P2RY8: variants seen among roughly 807,000 people sequenced by gnomAD.
P2RY8 encodes P2Y receptor family member 8.
P2RY8 carries 6 observed loss-of-function variants against 10.0 expected under a neutral mutation model. That is an observed-to-expected ratio of 0.60 (90% CI 0.33 to 1.19). The LOEUF (loss-of-function observed/expected upper bound fraction) is 1.19. Among genes scored for constraint, P2RY8 ranks in the 50% most tolerant of loss-of-function variants. P2RY8 has a pLI of 0.04. For synonymous variants in P2RY8, 276 were observed against 252.5 expected, an observed-to-expected ratio of 1.09 and a Z score of -0.88; for missense variants, 456 against 542.0, an observed-to-expected ratio of 0.84 and a Z score of 1.58.
intron 1 of P2RY8, among the ~76,000 whole-genome samples, chrX:1,498,145 G>C (rs113540793): frequency 0.15 from 22,866 of 151,826 alleles, 2,004 homozygotes; most frequent in South Asian, 0.34. Context: ...GGTGGCTCAC[G>C]CCTGTCATCC....
intron 1 of P2RY8, among the ~76,000 whole-genome samples, chrX:1,497,817 G>A (rs1212424505): frequency 6.6e-6 from 1 of 152,056 alleles, no homozygotes; most frequent in Non-Finnish European, 1.5e-5. Context: ...GGGCGGCGAG[G>A]GGCTTGTTGG....
chrX:1,493,425 G>GGAGGA (rs1161678509), intron 1 of P2RY8, among the ~76,000 whole-genome samples: 20,991 of 55,654 alleles, frequency 0.38, 3,665 homozygotes, highest in Non-Finnish European at 0.51. Flanking sequence ...AAGGAGGAAG[G>GGAGGA]AGGAGGGAGG....
At chrX:1,488,170 C>T (rs1350922755) in intron 1 of P2RY8, among the ~76,000 whole-genome samples, 3 of 151,944 alleles carry the variant, frequency 2.0e-5, no homozygotes, top group Non-Finnish European at 4.4e-5. Flanking sequence ...GTATCACTAA[C>T]AGCTGAGCCC....
At chrX:1,526,829 C>T (rs1233985391) in intron 1 of P2RY8, among the ~76,000 whole-genome samples, 1 of 152,074 alleles carries the variant, frequency 6.6e-6, no homozygotes, top group Non-Finnish European at 1.5e-5. Context: ...ATTCATTTAC[C>T]CACGCATTCA....
At chrX:1,514,546 CCTTCT>C (rs1398508620) in intron 1 of P2RY8, among the ~76,000 whole-genome samples, 283 of 1,800 alleles carry the variant, frequency 0.16, 32 homozygotes, top group Middle Eastern at 0.5. Context: ...CCTTCCTTTC[CCTTCT>C]CTTCCCTTCC....
At chrX:1,497,582 C>T (rs1200839360) in intron 1 of P2RY8, among the ~76,000 whole-genome samples, 6 of 151,890 alleles carry the variant, frequency 4.0e-5, no homozygotes, top group South Asian at 2.1e-4. Context: ...CGCTTGAACC[C>T]GGGAGGCGGA....
chrX:1,509,099 G>GTC (rs2092266749), intron 1 of P2RY8, among the ~76,000 whole-genome samples: 627 of 136,818 alleles, frequency 4.6e-3, no homozygotes, highest in Non-Finnish European at 6.9e-3. Context: ...ATGTATCTAT[G>GTC]TATCTATCTA....
At chrX:1,498,425 A>G (rs2092141160) in intron 1 of P2RY8, among the ~76,000 whole-genome samples, 1 of 148,404 alleles carries the variant, frequency 6.7e-6, no homozygotes, top group South Asian at 2.1e-4. Context: ...AAAAAAAAAG[A>G]AAAAGAAAGA....
intron 1 of P2RY8, among the ~76,000 whole-genome samples, chrX:1,522,100 G>T (rs1191255165): frequency 6.6e-6 from 1 of 151,288 alleles, no homozygotes; most frequent in Non-Finnish European, 1.5e-5. Flanking sequence ...TTACAGGCAT[G>T]CACCACCATG....
At chrX:1,487,770 T>G (rs1466446236) in intron 1 of P2RY8, among the ~76,000 whole-genome samples, 1 of 152,078 alleles carries the variant, frequency 6.6e-6, no homozygotes, top group East Asian at 1.9e-4. Context: ...CAGGTGCATT[T>G]GCACCTGCTC....
At chrX:1,477,282 C>T (rs1292455659) in intron 1 of P2RY8, among the ~76,000 whole-genome samples, 1 of 89,108 alleles carries the variant, frequency 1.1e-5, no homozygotes, top group Non-Finnish European at 2.4e-5. Flanking sequence ...CATCTATCAT[C>T]TATCATCTAT....
In P2RY8 at chrX:1,462,598, G is replaced by GT. The variant is rs111599059; in HGVS notation, c.*2880dup. ...TTGCCCTGTGCACTTCAAAGCTCAT[G>GT]TTTTTTTTTAATGTTTTATTTTTAT... is the stretch of plus-strand genomic sequence containing the variant. On this transcript the variant is annotated 3_prime_UTR_variant, in exon 2 of 2. Transcript: ENST00000381297. 4.3e-4 allele frequency: 98 copies of GT among 226,878 alleles called. No individual in the cohort carries two copies. The highest frequency in any genetic ancestry group is 1.3e-3 in the Middle Eastern group (1 of 766). 14.1% of individuals were successfully genotyped at this position (226,878 alleles called of 1,614,324 possible).
At chrX:1,521,917 T>C (rs1234441729) in intron 1 of P2RY8, among the ~76,000 whole-genome samples, 1 of 150,858 alleles carries the variant, frequency 6.6e-6, no homozygotes, top group African/African-American at 2.4e-5. Flanking sequence ...TATTTTTTCT[T>C]ATGTCTTTCT....
intron 1 of P2RY8, among the ~76,000 whole-genome samples, chrX:1,522,952 C>T (rs1204120044): frequency 7.3e-5 from 11 of 151,368 alleles, no homozygotes; most frequent in Non-Finnish European, 1.2e-4. Flanking sequence ...GCCTATAATC[C>T]CAGCTACTCG....
At chrX:1,492,905 CCT>C (rs1490239697) in intron 1 of P2RY8, among the ~76,000 whole-genome samples, 6 of 152,004 alleles carry the variant, frequency 3.9e-5, no homozygotes, top group Non-Finnish European at 7.4e-5. Context: ...CCCACCTCTG[CCT>C]CTTTCTGGTT....
chrX:1,528,974 T>C (rs1256360422), intron 1 of P2RY8, among the ~76,000 whole-genome samples: 1 of 152,206 alleles, frequency 6.6e-6, no homozygotes, highest in Non-Finnish European at 1.5e-5. Flanking sequence ...TTCAGTTCCC[T>C]TTGTTGCATG....
chrX:1,534,034 T>G (rs1352700144), intron 1 of P2RY8, among the ~76,000 whole-genome samples: 1 of 126,928 alleles, frequency 7.9e-6, no homozygotes, highest in Non-Finnish European at 1.5e-5. Flanking sequence ...ATTATATACT[T>G]ATCTATTTAT....
chrX:1,534,098 T>A (rs1290004554), intron 1 of P2RY8, among the ~76,000 whole-genome samples: 6 of 131,916 alleles, frequency 4.5e-5, no homozygotes, highest in African/African-American at 1.8e-4. Context: ...ACATATATAT[T>A]TATATATAAT....
chrX:1,502,827 G>C (rs1438007927), intron 1 of P2RY8, among the ~76,000 whole-genome samples: 7 of 151,686 alleles, frequency 4.6e-5, no homozygotes, highest in Non-Finnish European at 1.0e-4. Context: ...ACAGAGCCTG[G>C]AATGACGCGG....
Sources: allele counts gnomAD v4.1 joint callset (sites outside exome capture counted in the v4.1 genomes callset), GRCh38; gene constraint gnomAD v4.1.1; transcripts MANE v1.5; gene names NCBI Gene and HGNC (gene_info 2026-07-23, HGNC 2026-07-21).